Variants in SIM1 observed in about 807,000 individuals in gnomAD.
The protein encoded by SIM1 is SIM bHLH transcription factor 1.
In SIM1, 18 loss-of-function variants were observed where a neutral mutation model predicts 78.2. The ratio of observed to expected loss-of-function variants is 0.23; its 90% confidence interval spans 0.16 to 0.34. The LOEUF is 0.34. SIM1 is among the 10% of genes least tolerant of loss of function. The pLI is 1.00. For missense variants in SIM1, 939 were observed against 975.1 expected (o/e 0.96, Z 0.49); for synonymous variants, 417 against 385.2 (o/e 1.08, Z -0.97).
chr6:100,394,558 A>C (rs1172467916), intron 10 of SIM1, among the ~76,000 whole-genome samples: 1 of 152,132 alleles, frequency 6.6e-6, no homozygotes, highest in Non-Finnish European at 1.5e-5. Context: ...GGTGTGCAAC[A>C]ATACACAGCT....
At position 100,463,614 on chromosome 6, in the gene SIM1, G is replaced by A. The variant is rs1347610470; in HGVS notation, c.-146C>T. 1.4e-6 allele frequency: 1 copy of A among 710,500 alleles called. No individual in the cohort carries two copies. Among genetic ancestry groups the A allele is most frequent in the East Asian group, 2.5e-5 (1 of 39,512 alleles). 44.0% of individuals were successfully genotyped at this position (710,500 alleles called of 1,614,324 possible). A position where few individuals can be genotyped will look rare whatever the true frequency, so the allele number is the denominator to read the frequency against. ...GGCTGAAGTATTTGCACCAAGAACA[G>A]TGTATTGATGGCAGTAAAAGACCAG... On this transcript the variant is annotated 5_prime_UTR_variant, in exon 2 of 12. Coordinates refer to ENST00000369208, the MANE Select transcript of SIM1 (RefSeq NM_005068.3).
At chr6:100,450,558 C>T (rs1772481765) in intron 3 of SIM1, among the ~76,000 whole-genome samples, 1 of 152,066 alleles carries the variant, frequency 6.6e-6, no homozygotes. Flanking sequence ...GGCATGCAGC[C>T]CAATGGGAAA....
intron 9 of SIM1, among the ~76,000 whole-genome samples, chr6:100,436,779 A>G (rs576373678): frequency 2.1e-5 from 3 of 141,382 alleles, no homozygotes; most frequent in Non-Finnish European, 4.5e-5. Flanking sequence ...TTGCTCTGTC[A>G]CCAGGCTGGA....
chr6:100,463,486 T>C lies in SIM1; in HGVS notation c.-18A>G, dbSNP rs1255470118. The C allele has an allele frequency of 1.3e-6, 2 of 1,588,644 alleles. No homozygotes were observed. Among genetic ancestry groups the C allele is most frequent in the Admixed American group, 3.4e-5 (2 of 59,052 alleles). The stretch of plus-strand genomic sequence containing the variant: ...TCTTTCATTGTGTCTTGTTCCCCCT[T>C]TCTTCTCACAACTTAAGCTCCGCAG... On this transcript the variant is annotated 5_prime_UTR_variant, in exon 2 of 12. Coordinates refer to ENST00000369208, the MANE Select transcript of SIM1 (RefSeq NM_005068.3).
In SIM1 at chr6:100,390,329, A is replaced by T; in HGVS notation, c.*32T>A. The T allele has an allele frequency of 6.3e-7, 1 of 1,588,642 alleles. No homozygotes were observed. The highest frequency in any genetic ancestry group is 1.7e-4 in the Middle Eastern group (1 of 5,902). ...ATTAAACTATAAATATGTTTCAGAG[A>T]TCCTTAAAGAACAAAATATTTCAGC... On this transcript the variant is annotated 3_prime_UTR_variant, in exon 12 of 12. Transcript: ENST00000369208.
intron 10 of SIM1, among the ~76,000 whole-genome samples, chr6:100,412,149 G>A (rs1426913063): frequency 6.6e-6 from 1 of 152,090 alleles, no homozygotes; most frequent in Non-Finnish European, 1.5e-5. Context: ...AAAATAGGGA[G>A]AAAATTAAGA....
At chr6:100,401,592 G>A (rs1340825990) in intron 10 of SIM1, among the ~76,000 whole-genome samples, 1 of 151,742 alleles carries the variant, frequency 6.6e-6, no homozygotes, top group African/African-American at 2.4e-5. Flanking sequence ...AATAATGAGG[G>A]CAGAGGGAAG....
At chr6:100,460,258 G>C (rs186048625) in intron 2 of SIM1, among the ~76,000 whole-genome samples, 14 of 152,104 alleles carry the variant, frequency 9.2e-5, no homozygotes, top group Non-Finnish European at 2.1e-4. Context: ...AAAAAAAAGT[G>C]TATTCGGCAA....
intron 10 of SIM1, among the ~76,000 whole-genome samples, chr6:100,416,444 T>A (rs930098445): frequency 6.6e-6 from 1 of 152,176 alleles, no homozygotes; most frequent in Non-Finnish European, 1.5e-5. Flanking sequence ...CCACCATTTA[T>A]GTAAGTAGCT....
chr6:100,435,593 TC>T (rs1226714561), intron 9 of SIM1, among the ~76,000 whole-genome samples: 6 of 152,060 alleles, frequency 3.9e-5, no homozygotes, highest in African/African-American at 1.4e-4. Flanking sequence ...AACAACCACC[TC>T]CCAGTCTCTC....
At chr6:100,422,099 TTTATTTTTC>T (rs1771604004) in intron 9 of SIM1, among the ~76,000 whole-genome samples, 1 of 152,194 alleles carries the variant, frequency 6.6e-6, no homozygotes, top group African/African-American at 2.4e-5. Context: ...ACTGGCTTCT[TTTATTTTTC>T]TTATTTTTCA....
At chr6:100,417,448 T>A (rs1025863502) in intron 10 of SIM1, among the ~76,000 whole-genome samples, 4 of 152,212 alleles carry the variant, frequency 2.6e-5, no homozygotes, top group Non-Finnish European at 5.9e-5. Context: ...AGTATCTTTT[T>A]AATGCAGGTA....
In SIM1 at chr6:100,387,843, C is replaced by T. The variant is rs1394646254; in HGVS notation, c.*2518G>A. On this transcript the variant is annotated 3_prime_UTR_variant, in exon 12 of 12. Transcript: ENST00000369208. ...CCACTGAAATTCCTTTAGTGACAGC[C>T]TTTTCTTTAATATCAGTTCATTTTC... The T allele has an allele frequency of 6.6e-6, 1 of 152,012 alleles. No homozygotes were observed. The highest frequency in any genetic ancestry group is 2.1e-4 in the South Asian group (1 of 4,834). 9.4% of individuals were successfully genotyped at this position (152,012 alleles called of 1,614,324 possible).
At chr6:100,443,383 ATCTG>A (rs1051976124) in intron 9 of SIM1, among the ~76,000 whole-genome samples, 4 of 152,126 alleles carry the variant, frequency 2.6e-5, no homozygotes, top group African/African-American at 9.6e-5. Context: ...GAGATGTTAA[ATCTG>A]TCTGATTCCA....
chr6:100,456,262 G>C (rs546034299), intron 2 of SIM1, among the ~76,000 whole-genome samples: 1 of 152,184 alleles, frequency 6.6e-6, no homozygotes, highest in Non-Finnish European at 1.5e-5. Context: ...AAGTGGGGTA[G>C]AGACCTTCTC....
intron 2 of SIM1, among the ~76,000 whole-genome samples, chr6:100,460,064 T>C (rs1772800964): frequency 6.6e-6 from 1 of 152,258 alleles, no homozygotes; most frequent in Non-Finnish European, 1.5e-5. Flanking sequence ...TTATCTTTCC[T>C]AATTTTCTTT....
intron 10 of SIM1, among the ~76,000 whole-genome samples, chr6:100,402,150 T>C (rs1402388215): frequency 3.9e-5 from 6 of 152,254 alleles, no homozygotes; most frequent in Admixed American, 3.9e-4. Context: ...TAAAGGTCCT[T>C]GATTAATCAC....
At position 100,449,637 on chromosome 6, in the gene SIM1, C is replaced by T. The variant is rs1002878304; in HGVS notation, c.411G>A (p.Thr137=). The change falls in exon 5 of 12, where the codon ACG becomes ACA. Residue 137 remains threonine, a synonymous_variant. Transcript: ENST00000369208. ...AGGGTTGATGGGCGGTGAGCACCGC[C>T]GTCATCTCGTCGTGGTCTGCCGGGT... ...YIHPADHDEM[T]AVLTAHQPYH... is the part of the protein sequence containing the mutation. 1 of 1,614,030 alleles carries T rather than the reference C, an allele frequency of 6.2e-7. No homozygotes were observed. Among genetic ancestry groups the T allele is most frequent in the Non-Finnish European group, 8.5e-7 (1 of 1,180,052 alleles).
intron 9 of SIM1, among the ~76,000 whole-genome samples, chr6:100,434,669 G>A (rs779056338): frequency 3.3e-5 from 5 of 152,156 alleles, no homozygotes; most frequent in Non-Finnish European, 7.4e-5. Context: ...TTCTAAGATC[G>A]CATTTTACCA....
Sources: gnomAD v4.1 joint callset for allele counts (sites outside exome capture counted in the v4.1 genomes callset) on GRCh38, gnomAD v4.1.1 for gene constraint, MANE v1.5 for transcripts, NCBI Gene and HGNC (gene_info 2026-07-23, HGNC 2026-07-21) for gene names.